The following RTL4 variants were observed in gnomAD, a reference collection of about 807,000 sequenced individuals.
The protein encoded by RTL4 is retrotransposon Gag-like protein 4.
Under a neutral mutation model 5.3 loss-of-function variants are expected in RTL4, and 4 were observed. That is an observed-to-expected ratio of 0.75 (90% CI 0.37 to 1.72). The LOEUF is 1.72. Ranked by LOEUF, RTL4 falls within the 40% of genes most tolerant of loss-of-function variation. The probability of loss-of-function intolerance (pLI) is 0.04; values close to 1 mark genes in which losing one functional copy is unlikely to be tolerated. For missense variants in RTL4, 260 were observed against 227.1 expected, an observed-to-expected ratio of 1.14 and a Z score of -0.93; for synonymous variants, 98 against 87.3, an observed-to-expected ratio of 1.12 and a Z score of -0.68.
At chrX:112,275,703 A>G in the RTL4 span, among the ~76,000 whole-genome samples, 2 of 111,714 alleles carry the variant, frequency 1.8e-5, no homozygotes, top group East Asian at 5.6e-4. Context: ...TGGGAGGCCA[A>G]GGCGGGCAGA....
At chrX:112,173,218 A>G in the RTL4 span, among the ~76,000 whole-genome samples, 20 of 111,792 alleles carry the variant, frequency 1.8e-4, no homozygotes, top group African/African-American at 5.5e-4. Context: ...AAATAAATAA[A>G]TAAGTGCAGG....
upstream of RTL4, among the ~76,000 whole-genome samples, chrX:112,453,247 T>C (rs1926774448): frequency 9.0e-6 from 1 of 111,422 alleles, no homozygotes; most frequent in African/African-American, 3.3e-5. Context: ...TTAAAAAGAT[T>C]CAATGATACA....
the RTL4 span, among the ~76,000 whole-genome samples, chrX:112,325,418 A>G: frequency 8.9e-6 from 1 of 112,147 alleles, no homozygotes; most frequent in African/African-American, 3.2e-5. Flanking sequence ...AGGCTACAGT[A>G]ACCAAAACAG....
chrX:112,357,243 CA>C, the RTL4 span, among the ~76,000 whole-genome samples: 141 of 100,492 alleles, frequency 1.4e-3, 1 homozygote, highest in South Asian at 0.013. Flanking sequence ...ACTACTTCAC[CA>C]AAAAAAAAAA....
At chrX:112,457,225 TA>T, downstream of RTL4, 1 of 121,601 alleles carries the variant, frequency 8.2e-6, no homozygotes, top group South Asian at 3.7e-4. Context: ...GTAGCACCAA[TA>T]AATAGATATT....
the RTL4 span, among the ~76,000 whole-genome samples, chrX:112,419,034 A>ATATATATATATATATATATATCT: frequency 6.3e-4 from 1 of 1,596 alleles, no homozygotes; most frequent in African/African-American, 6.7e-4. Context: ...CACATAAGAT[A>ATATATATATATATATATATATCT]TATATATATA....
chrX:112,329,939 G>A, the RTL4 span, among the ~76,000 whole-genome samples: 1 of 108,273 alleles, frequency 9.2e-6, no homozygotes, highest in Admixed American at 9.9e-5. Flanking sequence ...TGCAGAAAAG[G>A]CCTTTGACAA....
chrX:112,398,707 C>T, the RTL4 span, among the ~76,000 whole-genome samples: 1 of 111,501 alleles, frequency 9.0e-6, no homozygotes, highest in Non-Finnish European at 1.9e-5. Flanking sequence ...CCTGTTGGAT[C>T]AGATTTTCTA....
the RTL4 span, among the ~76,000 whole-genome samples, chrX:112,190,192 CTTTCTTTCT>C: frequency 1.0e-5 from 1 of 98,883 alleles, no homozygotes; most frequent in Non-Finnish European, 2.0e-5. Flanking sequence ...TTCTTTCTTT[CTTTCTTTCT>C]TTCTTTTTTC....
the RTL4 span, among the ~76,000 whole-genome samples, chrX:112,305,998 G>C: frequency 9.0e-6 from 1 of 111,451 alleles, no homozygotes; most frequent in African/African-American, 3.3e-5. Context: ...TCTGTGATCT[G>C]TCTAGTGGGA....
chrX:112,328,806 A>G, the RTL4 span, among the ~76,000 whole-genome samples: 2 of 112,027 alleles, frequency 1.8e-5, no homozygotes, highest in Non-Finnish European at 3.8e-5. Context: ...ATAACAAACT[A>G]TCTCTCAGAC....
At chrX:112,128,596 T>G in the RTL4 span, among the ~76,000 whole-genome samples, 1 of 101,117 alleles carries the variant, frequency 9.9e-6, no homozygotes, top group African/African-American at 3.6e-5. Context: ...AAGTGGAGGT[T>G]GCAGTGAGCA....
At chrX:112,250,098 A>T in the RTL4 span, among the ~76,000 whole-genome samples, 1 of 109,224 alleles carries the variant, frequency 9.2e-6, no homozygotes, top group Admixed American at 9.8e-5. Context: ...AACACGGTGA[A>T]ACCCCGTCTC....
At chrX:112,169,082 TC>T in the RTL4 span, among the ~76,000 whole-genome samples, 1 of 45,070 alleles carries the variant, frequency 2.2e-5, no homozygotes, top group Non-Finnish European at 4.4e-5. Context: ...TTTCTTTCTT[TC>T]TTTTCTTTCT....
chrX:112,445,602 T>C, the RTL4 span, among the ~76,000 whole-genome samples: 7 of 111,817 alleles, frequency 6.3e-5, no homozygotes, highest in Non-Finnish European at 1.3e-4. Context: ...AGGACTGTAA[T>C]CAACACATTC....
the RTL4 span, among the ~76,000 whole-genome samples, chrX:112,430,597 T>C: frequency 9.0e-6 from 1 of 111,698 alleles, no homozygotes; most frequent in African/African-American, 3.3e-5. Context: ...TTTTTTATCA[T>C]TTTTTCTTGA....
chrX:112,157,039 G>A, the RTL4 span, among the ~76,000 whole-genome samples: 1 of 107,167 alleles, frequency 9.3e-6, no homozygotes, highest in South Asian at 4.2e-4. Flanking sequence ...TGCGAGTGTT[G>A]AGTACATGGT....
the RTL4 span, among the ~76,000 whole-genome samples, chrX:112,084,248 C>T: frequency 1.8e-5 from 2 of 111,213 alleles, no homozygotes; most frequent in Non-Finnish European, 3.8e-5. Flanking sequence ...TTGGAAAAGT[C>T]GCTCGGGGCA....
chrX:112,436,699 G>T, the RTL4 span, among the ~76,000 whole-genome samples: 1 of 110,461 alleles, frequency 9.1e-6, no homozygotes, highest in Non-Finnish European at 1.9e-5. Context: ...GGAACTTTCG[G>T]AGTAAATTTC....
Sources: gnomAD v4.1 joint callset for allele counts (sites outside exome capture counted in the v4.1 genomes callset) on GRCh38, gnomAD v4.1.1 for gene constraint, MANE v1.5 for transcripts, NCBI Gene and HGNC (gene_info 2026-07-23, HGNC 2026-07-21) for gene names.